ARID3A: variants seen among roughly 807,000 people sequenced by gnomAD.
ARID3A encodes the protein AT-rich interaction domain 3A, also known as AT-rich interactive domain-containing protein 3A.
In ARID3A, 11 loss-of-function variants were observed where a neutral mutation model predicts 52.7. The observed-to-expected ratio is 0.21, with a 90% confidence interval of 0.13 to 0.35. ARID3A has a LOEUF of 0.35. Among genes scored for constraint, ARID3A ranks in the 10% least tolerant of loss-of-function variants. The pLI is 1.00. For missense variants in ARID3A, 721 were observed against 838.5 expected (o/e 0.86, Z 1.73); for synonymous variants, 404 against 359.4 (o/e 1.12, Z -1.40).
At chr19:957,666 C>T (rs1224335170) in intron 3 of ARID3A, among the ~76,000 whole-genome samples, 1 of 152,128 alleles carries the variant, frequency 6.6e-6, no homozygotes, top group African/African-American at 2.4e-5. Context: ...CATAGAAAGA[C>T]CCATCTCTAC....
intron 3 of ARID3A, among the ~76,000 whole-genome samples, chr19:956,211 T>C (rs2037913954): frequency 1.3e-5 from 2 of 152,198 alleles, no homozygotes; most frequent in Non-Finnish European, 2.9e-5. Flanking sequence ...TTCCAGTACC[T>C]GCTGCCTCAG....
In ARID3A at chr19:973,104, A is replaced by ATTTTTTTTTTTTTTTTTT. The variant is rs56404084; in HGVS notation, c.*1043_*1060dup. The ATTTTTTTTTTTTTTTTTT allele has an allele frequency of 9.4e-3, 504 of 53,644 alleles. 133 individuals are homozygous for ATTTTTTTTTTTTTTTTTT. The highest frequency in any genetic ancestry group is 0.032 in the African/African-American group (451 of 14,244). 3.3% of individuals were successfully genotyped at this position (53,644 alleles called of 1,614,324 possible). A position where few individuals can be genotyped will look rare whatever the true frequency, so the allele number is the denominator to read the frequency against. On this transcript the variant is annotated 3_prime_UTR_variant, in exon 9 of 9. Coordinates refer to ENST00000263620, the MANE Select transcript of ARID3A (RefSeq NM_005224.3). The stretch of plus-strand genomic sequence containing the variant: ...GGGCTCTCGAGTCAGGGGCCTGGAA[A>ATTTTTTTTTTTTTTTTTT]TTTTTTTTTTTTTTTTTTTTTGAGA...
At position 929,793 on chromosome 19, in the gene ARID3A, G is replaced by A; in HGVS notation, c.265G>A (p.Glu89Lys). 1 of 1,548,886 alleles carries A rather than the reference G, an allele frequency of 6.5e-7. No individual in the cohort carries two copies. The highest frequency in any genetic ancestry group is 1.2e-5 in the South Asian group (1 of 84,512). Residue 89 changes from glutamate (E) to lysine (K), a missense_variant, in exon 2 of 9, where the codon GAG becomes AAG. By Grantham distance (56) the Glu-to-Lys change is moderately conservative (BLOSUM62 1). This residue lies in a region of ARID3A where 349 missense variants were observed against 297.3 expected (regional missense o/e 1.17). Coordinates refer to ENST00000263620, the MANE Select transcript of ARID3A (RefSeq NM_005224.3). The surrounding 1 kb of genome is among the most constrained non-coding windows in gnomAD (Gnocchi z 6.2). ...CTCTGAGGATGGGCCCCCAGGCTCGGAGGAGGAGGACGCGGCCCGGGAGGG... is the reference window on the plus strand; with the variant it reads ...CTCTGAGGATGGGCCCCCAGGCTCGAAGGAGGAGGACGCGGCCCGGGAGGG... ...GGSEDGPPGSEEEDAAREGTP... is the reference protein window; with the variant it reads ...GGSEDGPPGSKEEDAAREGTP...
At chr19:952,953 A>T (rs1055240474) in intron 3 of ARID3A, among the ~76,000 whole-genome samples, 1 of 152,058 alleles carries the variant, frequency 6.6e-6, no homozygotes, top group African/African-American at 2.4e-5. Context: ...CCCACCTGTG[A>T]CCTTGGGCAC....
chr19:955,827 G>A (rs368324944), intron 3 of ARID3A, among the ~76,000 whole-genome samples: 56 of 152,236 alleles, frequency 3.7e-4, no homozygotes, highest in East Asian at 2.3e-3. Flanking sequence ...GTTCTTAGCC[G>A]GGGGGCTGCG....
chr19:949,562 G>A (rs936252015), intron 3 of ARID3A, among the ~76,000 whole-genome samples: 6 of 151,988 alleles, frequency 3.9e-5, no homozygotes, highest in Admixed American at 6.6e-5. Flanking sequence ...CTCCTGCCTC[G>A]GCCTCCCAAA....
chr19:931,598 G>A (rs1298182473), intron 2 of ARID3A, among the ~76,000 whole-genome samples: 2 of 152,102 alleles, frequency 1.3e-5, no homozygotes, highest in Admixed American at 6.5e-5. Context: ...GGATCACGAG[G>A]TCAGGAGATC....
chr19:940,366 C>T lies in ARID3A; in HGVS notation c.693+7624C>T, dbSNP rs186324546. Among the ~76,000 whole-genome samples the T allele has an allele frequency of 8.0e-3, 1,218 of 152,056 alleles. 60 individuals carry two copies. Among genetic ancestry groups the T allele is most frequent in the Admixed American group, 0.071 (1,081 of 15,240 alleles). On this transcript the variant is annotated intron_variant, in intron 3 of 8. Transcript: ENST00000263620. ...ACGCGTTTGCACTGGGCCGCATTTA[C>T]AGCCGTCCTGGGCCGCGGGTCAGTC... is the stretch of plus-strand genomic sequence containing the variant.
At position 972,160 on chromosome 19, in the gene ARID3A, C is replaced by T. The variant is rs965087213; in HGVS notation, c.*95C>T. ...ACAGGGGCCAGGATGGCGGAAGATACGGGTGGGGAGGGAAGATATCCAGAA... is the reference window on the plus strand; with the variant it reads ...ACAGGGGCCAGGATGGCGGAAGATATGGGTGGGGAGGGAAGATATCCAGAA... On this transcript the variant is annotated 3_prime_UTR_variant, in exon 9 of 9. Transcript: ENST00000263620. 34 of 1,215,142 alleles carry T rather than the reference C, an allele frequency of 2.8e-5. No homozygotes were observed. The highest frequency in any genetic ancestry group is 5.5e-4 in the Middle Eastern group (2 of 3,614). 75.3% of individuals were successfully genotyped at this position (1,215,142 alleles called of 1,614,324 possible). A position where few individuals can be genotyped will look rare whatever the true frequency, so the allele number is the denominator to read the frequency against.
chr19:955,094 C>T (rs2037889692), intron 3 of ARID3A, among the ~76,000 whole-genome samples: 1 of 152,168 alleles, frequency 6.6e-6, no homozygotes. Context: ...GCCACAGAAC[C>T]CAGGTGAGAA....
rs1193498342 is a variant in ARID3A, at chr19:941,809, C to G, written c.693+9067C>G. Among the ~76,000 whole-genome samples, 2 of 122,142 alleles carry G rather than the reference C, an allele frequency of 1.6e-5. No individual in the cohort carries two copies. Among genetic ancestry groups the G allele is most frequent in the South Asian group, 2.7e-4 (1 of 3,670 alleles). The allele number at this position is 122,142 out of a possible 152,430, so 80.1% of individuals were successfully genotyped here. A position where few individuals can be genotyped will look rare whatever the true frequency, so the allele number is the denominator to read the frequency against. ...TGTGTGTGTGTGTGTGTGTGTGTGT[C>G]AGGGGTGGCTGCAAGCGTATGTGTG... On this transcript the variant is annotated intron_variant, in intron 3 of 8. Transcript: ENST00000263620. The surrounding 1 kb of genome is among the most constrained non-coding windows in gnomAD (Gnocchi z 6.9).
chr19:930,872 G>A (rs1276563424), intron 2 of ARID3A, among the ~76,000 whole-genome samples: 2 of 152,040 alleles, frequency 1.3e-5, no homozygotes, highest in South Asian at 2.1e-4. Flanking sequence ...CAGATTCAGC[G>A]GCAGGGGCAG....
rs1236897966 is a variant in ARID3A at position 975,699 on chromosome 19, C to G, written c.*3634C>G. ...CTGGCCGCGGCAGGGTGGCCTGTAA[C>G]AATTTCAGTTTTCGCAGAACATTCA... On this transcript the variant is annotated 3_prime_UTR_variant, in exon 9 of 9. Transcript: ENST00000263620. 13 of 145,114 alleles carry G rather than the reference C, an allele frequency of 9.0e-5. No individual in the cohort carries two copies. The highest frequency in any genetic ancestry group is 4.4e-4 in the African/African-American group (13 of 29,740). The allele number at this position is 145,114 out of a possible 1,614,324, so 9.0% of individuals were successfully genotyped here.
At chr19:936,618 G>A (rs188844962) in intron 3 of ARID3A, among the ~76,000 whole-genome samples, 19 of 152,100 alleles carry the variant, frequency 1.2e-4, no homozygotes, top group Non-Finnish European at 2.5e-4. Context: ...CGGGGCAGGC[G>A]GATCACGAGG....
chr19:936,808 T>C (rs1369317297), intron 3 of ARID3A, among the ~76,000 whole-genome samples: 1 of 152,102 alleles, frequency 6.6e-6, no homozygotes, highest in South Asian at 2.1e-4. Flanking sequence ...GCCACTGCAC[T>C]CCAGCCTGTG....
intron 3 of ARID3A, among the ~76,000 whole-genome samples, chr19:939,317 C>T (rs147874770): frequency 0.023 from 3,488 of 152,164 alleles, 67 homozygotes; most frequent in Non-Finnish European, 0.037. Context: ...CGGGGTTTCA[C>T]CATGTTGCCC....
In ARID3A at chr19:957,171, C is replaced by G. The variant is rs576426310; in HGVS notation, c.694-2921C>G. On this transcript the variant is annotated intron_variant, in intron 3 of 8. Coordinates refer to ENST00000263620, the MANE Select transcript of ARID3A (RefSeq NM_005224.3). ...TGTACCCCAGACGGAGCCTCTTTCC[C>G]CTCTGGAAGACGTTCCGGGGCCTGG... is the stretch of plus-strand genomic sequence containing the variant. Among the ~76,000 whole-genome samples, 304 of 152,318 alleles carry G rather than the reference C, an allele frequency of 2.0e-3. 1 individual carries two copies. The highest frequency in any genetic ancestry group is 7.2e-3 in the African/African-American group (298 of 41,564).
In ARID3A at chr19:969,601, T is replaced by A. The variant is rs113132841; in HGVS notation, c.1594+1098T>A. On this transcript the variant is annotated intron_variant, in intron 8 of 8. Transcript: ENST00000263620. Reference sequence around the variant, plus strand: ...ATATAGCTGTAGCTATACATAGATATATATAGATTAGATATAGATTTATAT... The same window carrying A: ...ATATAGCTGTAGCTATACATAGATAAATATAGATTAGATATAGATTTATAT... Among the ~76,000 whole-genome samples, 458 of 151,558 alleles carry A rather than the reference T, an allele frequency of 3.0e-3. 6 individuals carry two copies. Among genetic ancestry groups the A allele is most frequent in the African/African-American group, 0.011 (445 of 41,360 alleles).
At chr19:956,742 C>G (rs1204463636) in intron 3 of ARID3A, 1 of 152,402 alleles carries the variant, frequency 6.6e-6, no homozygotes, top group South Asian at 2.1e-4. Flanking sequence ...TCCTGGCTGC[C>G]CCCCCAGCCC....
Sources: gnomAD v4.1 joint callset for allele counts (sites outside exome capture counted in the v4.1 genomes callset) on GRCh38, gnomAD v4.1.1 for gene constraint, gnomAD v4.1.1 regional missense constraint, Gnocchi (gnomAD v3.1) non-coding constraint, MANE v1.5 for transcripts, NCBI Gene and HGNC (gene_info 2026-07-23, HGNC 2026-07-21) for gene names.